The following SGMS1 variants were observed in gnomAD, a reference collection of about 807,000 sequenced individuals.
SGMS1 encodes sphingomyelin synthase 1.
Under a neutral mutation model 46.2 loss-of-function variants are expected in SGMS1, and 13 were observed. That is an observed-to-expected ratio of 0.28 (90% CI 0.18 to 0.45). The LOEUF (loss-of-function observed/expected upper bound fraction) is 0.45. Ranked by LOEUF, SGMS1 falls within the 20% of genes least tolerant of loss-of-function variation. SGMS1 has a pLI of 1.00. For missense variants in SGMS1, 324 were observed against 519.9 expected (o/e 0.62, Z 3.66); for synonymous variants, 203 against 187.8 (o/e 1.08, Z -0.66).
chr10:50,611,337 C>T (rs1291847828), intron 1 of SGMS1, among the ~76,000 whole-genome samples: 1 of 152,212 alleles, frequency 6.6e-6, no homozygotes, highest in Non-Finnish European at 1.5e-5. Context: ...GTCTTCACAC[C>T]ACGACACTTG....
chr10:50,437,539 A>G (rs1298075512), intron 5 of SGMS1, among the ~76,000 whole-genome samples: 1 of 152,226 alleles, frequency 6.6e-6, no homozygotes, highest in Non-Finnish European at 1.5e-5. Flanking sequence ...AAGAGAAGGA[A>G]CAATAACTAA....
At chr10:50,379,598 A>G (rs542445718) in intron 6 of SGMS1, among the ~76,000 whole-genome samples, 1 of 152,332 alleles carries the variant, frequency 6.6e-6, no homozygotes, top group East Asian at 1.9e-4. Flanking sequence ...ATATCATTCT[A>G]TGCTTTCAAA....
intron 5 of SGMS1, among the ~76,000 whole-genome samples, chr10:50,434,212 G>C (rs1023399900): frequency 6.6e-6 from 1 of 152,126 alleles, no homozygotes; most frequent in African/African-American, 2.4e-5. Context: ...GTTTACTTTT[G>C]TTTTTCCATT....
intron 6 of SGMS1, among the ~76,000 whole-genome samples, chr10:50,418,807 G>A (rs541690404): frequency 3.9e-5 from 6 of 152,316 alleles, no homozygotes; most frequent in African/African-American, 1.4e-4. Flanking sequence ...GTGGCCTTGA[G>A]TAAGTTAATT....
rs536766859 is a variant in SGMS1, at chr10:50,528,281, A to G, written c.-588-8360T>C. Among the ~76,000 whole-genome samples, 12 of 152,334 alleles carry G rather than the reference A, an allele frequency of 7.9e-5. No individual in the cohort carries two copies. The East Asian group carries it at 2.3e-3, about 29-fold the overall frequency. ...TTCTTTCATCTTATGAGGTAAGAGC[A>G]GCTGTGTATTGAGGGACGACTCTGT... On this transcript the variant is annotated intron_variant, in intron 2 of 10. Coordinates refer to ENST00000361781, the MANE Select transcript of SGMS1 (RefSeq NM_147156.4).
At chr10:50,457,458 T>C (rs1837206274) in intron 5 of SGMS1, among the ~76,000 whole-genome samples, 1 of 152,190 alleles carries the variant, frequency 6.6e-6, no homozygotes, top group Non-Finnish European at 1.5e-5. Context: ...GAGATATATG[T>C]GCAGGTTTGT....
chr10:50,383,457 G>A (rs1342952682), intron 6 of SGMS1, among the ~76,000 whole-genome samples: 1 of 151,994 alleles, frequency 6.6e-6, no homozygotes, highest in Non-Finnish European at 1.5e-5. Context: ...AAAACAAAAA[G>A]ATGGCTTTCT....
At chr10:50,570,229 A>T (rs1176984596) in intron 2 of SGMS1, among the ~76,000 whole-genome samples, 1 of 152,214 alleles carries the variant, frequency 6.6e-6, no homozygotes, top group Non-Finnish European at 1.5e-5. Flanking sequence ...CACGACAAGC[A>T]TCTCAACGTC....
intron 5 of SGMS1, among the ~76,000 whole-genome samples, chr10:50,453,812 G>GGGA (rs1406669630): frequency 1.3e-4 from 4 of 31,868 alleles, no homozygotes; most frequent in East Asian, 9.9e-4. Flanking sequence ...AAGGAGGGAG[G>GGGA]GAGGAAGGGA....
chr10:50,602,877 C>A (rs1437680886), intron 1 of SGMS1, among the ~76,000 whole-genome samples: 2 of 152,212 alleles, frequency 1.3e-5, no homozygotes, highest in Non-Finnish European at 1.5e-5. Context: ...TTCCAAAGTG[C>A]CAGGATAGAG....
chr10:50,529,332 C>T (rs1022035201), intron 2 of SGMS1, among the ~76,000 whole-genome samples: 7 of 152,138 alleles, frequency 4.6e-5, no homozygotes, highest in African/African-American at 1.7e-4. Flanking sequence ...CTGTAATTGC[C>T]ATCCCTGAAA....
At chr10:50,343,468 T>G (rs1456860181) in intron 7 of SGMS1, 24 bp downstream of exon 7, 1 of 1,560,722 alleles carries the variant, frequency 6.4e-7, no homozygotes, top group Non-Finnish European at 8.6e-7. Context: ...AATCATTGAA[T>G]CTTAGAGCTT....
chr10:50,344,262 GT>G lies in SGMS1; in HGVS notation c.-149del. ...CTTGTTTGGCAAGATGGTCAGGGCA[GT>G]TTTTAAACACCTCATGTAGCTGTCC... On this transcript the variant is annotated 5_prime_UTR_variant, in exon 7 of 11. It introduces an in-frame stop codon into an upstream open reading frame of the 5' UTR. Transcript: ENST00000361781. The G allele has an allele frequency of 1.0e-6, 1 of 988,082 alleles. No homozygotes were observed. The highest frequency in any genetic ancestry group is 1.4e-6 in the Non-Finnish European group (1 of 691,738). The allele number at this position is 988,082 out of a possible 1,614,324, so 61.2% of individuals were successfully genotyped here.
chr10:50,425,679 A>G (rs1200552253), intron 6 of SGMS1, among the ~76,000 whole-genome samples: 1 of 152,204 alleles, frequency 6.6e-6, no homozygotes, highest in East Asian at 1.9e-4. Flanking sequence ...ATTGTACTCC[A>G]AAACTCAGCA....
At chr10:50,493,422 T>A (rs1837583170) in intron 3 of SGMS1, among the ~76,000 whole-genome samples, 1 of 152,042 alleles carries the variant, frequency 6.6e-6, no homozygotes, top group Non-Finnish European at 1.5e-5. Flanking sequence ...GATTTCATGA[T>A]GAAGATGAAG....
Position 50,326,030 on chromosome 10 carries a change from AAG to A in SGMS1, c.741+1173_741+1174del, listed in dbSNP as rs1847525688. On this transcript the variant is annotated intron_variant, in intron 8 of 10. Transcript: ENST00000361781. ...GAAGCTGGCTTCTTTGGAAGGGCGA[AAG>A]AAACTGCAAGAAGGAGAGTGCAGGG... 3.3e-5 allele frequency among the ~76,000 whole-genome samples: 5 copies of A among 152,280 alleles called. No individual in the cohort carries two copies. The South Asian group carries it at 1.0e-3, about 32-fold the overall frequency.
rs771355693 is a variant in SGMS1, at chr10:50,343,832, C to T, written c.283G>A (p.Asp95Asn). The change falls in exon 7 of 11, where the codon GAC becomes AAC. Residue 95 changes from aspartate (D) to asparagine (N), a missense_variant. Transcript: ENST00000361781. ...TTAATCTTGATGCTGAAGCTGCCGTCGGGGGTGGGGATGTCTACGCCAATG... is the reference window on the plus strand; with the variant it reads ...TTAATCTTGATGCTGAAGCTGCCGTTGGGGGTGGGGATGTCTACGCCAATG... ...LNIGVDIPTP[D>N]GSFSIKIKPN... 15 of 1,613,984 alleles carry T rather than the reference C, an allele frequency of 9.3e-6. No homozygotes were observed. Among genetic ancestry groups the T allele is most frequent in the South Asian group, 5.5e-5 (5 of 91,074 alleles).
At chr10:50,483,464 T>G (rs1466275345) in intron 3 of SGMS1, among the ~76,000 whole-genome samples, 1 of 152,118 alleles carries the variant, frequency 6.6e-6, no homozygotes, top group Admixed American at 6.6e-5. Flanking sequence ...CACTCCACTG[T>G]CAATATTAGA....
intron 3 of SGMS1, among the ~76,000 whole-genome samples, chr10:50,480,717 G>T (rs1286869840): frequency 6.6e-6 from 1 of 152,174 alleles, no homozygotes; most frequent in African/African-American, 2.4e-5. Flanking sequence ...TGGCCTCTTG[G>T]TTTGTGGCCA....
Sources: allele counts gnomAD v4.1 joint callset (sites outside exome capture counted in the v4.1 genomes callset), GRCh38; gene constraint gnomAD v4.1.1; transcripts MANE v1.5; gene names NCBI Gene and HGNC (gene_info 2026-07-23, HGNC 2026-07-21).